Variants in DLGAP1 observed in about 807,000 individuals in gnomAD.
DLGAP1 encodes disks large-associated protein 1.
In DLGAP1, 11 loss-of-function variants were observed where a neutral mutation model predicts 90.8. That is an observed-to-expected ratio of 0.12 (90% confidence interval 0.08 to 0.20). The LOEUF (loss-of-function observed/expected upper bound fraction) is 0.20. DLGAP1 is among the 10% of genes least tolerant of loss of function. The pLI is 1.00. For synonymous variants in DLGAP1, 558 were observed against 540.7 expected, an observed-to-expected ratio of 1.03 and a Z score of -0.44; for missense variants, 1,050 against 1,333.8, an observed-to-expected ratio of 0.79 and a Z score of 3.31.
chr18:3,533,383 G>T (rs990317142), intron 10 of DLGAP1, among the ~76,000 whole-genome samples: 58 of 152,292 alleles, frequency 3.8e-4, no homozygotes, highest in African/African-American at 1.4e-3. Context: ...CAGCTAAAGG[G>T]TTTGCCCCTG....
rs568270775 is a variant in DLGAP1, at chr18:3,613,619, A to C, written c.1592-31371T>G. Among the ~76,000 whole-genome samples the C allele has an allele frequency of 3.4e-4, 52 of 152,298 alleles. 1 individual carries two copies. In the South Asian group the frequency reaches 7.0e-3, roughly 21 times the overall value. ...TCTAAGTGTTGGGATTACAGGCATG[A>C]GCCTGGCTAGGAAGCAATGTTGGCC... is the stretch of plus-strand genomic sequence containing the variant. On this transcript the variant is annotated intron_variant, in intron 7 of 12. Transcript: ENST00000315677.
intron 7 of DLGAP1, among the ~76,000 whole-genome samples, chr18:3,679,422 C>G (rs532648187): frequency 2.0e-5 from 3 of 151,844 alleles, no homozygotes; most frequent in Non-Finnish European, 4.4e-5. Context: ...AAACACAGCT[C>G]TAGCTTGAAT....
chr18:4,362,453 C>A (rs534133515), intron 1 of DLGAP1, among the ~76,000 whole-genome samples: 8 of 152,226 alleles, frequency 5.3e-5, no homozygotes, highest in African/African-American at 1.7e-4. Context: ...GGATATTACA[C>A]TAAGTGAAAT....
chr18:3,635,194 G>T (rs533999743), intron 7 of DLGAP1, among the ~76,000 whole-genome samples: 1 of 151,322 alleles, frequency 6.6e-6, no homozygotes, highest in South Asian at 2.1e-4. Flanking sequence ...GCAGTGGCGG[G>T]ATCTCGGCTC....
chr18:3,539,553 T>C (rs1247200156), intron 9 of DLGAP1, among the ~76,000 whole-genome samples: 2 of 152,240 alleles, frequency 1.3e-5, no homozygotes, highest in Non-Finnish European at 2.9e-5. Context: ...TGTTGCTTTA[T>C]GTTCCTTCTA....
chr18:3,600,318 C>T (rs552332477), intron 7 of DLGAP1, among the ~76,000 whole-genome samples: 4 of 152,124 alleles, frequency 2.6e-5, no homozygotes, highest in East Asian at 3.9e-4. Context: ...ATGGCACGCA[C>T]GATCTCGGCT....
At chr18:3,766,446 A>G (rs1284430810) in intron 5 of DLGAP1, among the ~76,000 whole-genome samples, 1 of 152,178 alleles carries the variant, frequency 6.6e-6, no homozygotes, top group Non-Finnish European at 1.5e-5. Context: ...AGGATAGACA[A>G]GAACTCAACA....
At chr18:4,319,052 A>G (rs1258011328) in intron 1 of DLGAP1, among the ~76,000 whole-genome samples, 1 of 152,234 alleles carries the variant, frequency 6.6e-6, no homozygotes, top group East Asian at 1.9e-4. Flanking sequence ...TATTTTAATT[A>G]GTTTGATTTA....
chr18:3,746,398 T>C (rs2063272106), intron 5 of DLGAP1, among the ~76,000 whole-genome samples: 1 of 151,988 alleles, frequency 6.6e-6, no homozygotes, highest in African/African-American at 2.4e-5. Flanking sequence ...CAAAGGAATA[T>C]GGTAGAGAAA....
intron 5 of DLGAP1, among the ~76,000 whole-genome samples, chr18:3,790,007 G>GT (rs1224408641): frequency 2.6e-5 from 4 of 152,256 alleles, no homozygotes; most frequent in African/African-American, 9.6e-5. Context: ...GCAAATGTTG[G>GT]TAAGTTCTTC....
chr18:3,682,487 G>A (rs1195544395), intron 7 of DLGAP1, among the ~76,000 whole-genome samples: 2 of 152,224 alleles, frequency 1.3e-5, no homozygotes, highest in Non-Finnish European at 2.9e-5. Flanking sequence ...GTTTAGATGT[G>A]TGGTACAGAA....
intron 7 of DLGAP1, among the ~76,000 whole-genome samples, chr18:3,725,429 T>C (rs1347557882): frequency 2.0e-5 from 3 of 152,210 alleles, no homozygotes; most frequent in African/African-American, 7.2e-5. Flanking sequence ...AGTGGAGGTC[T>C]GGGTGTATTT....
At chr18:3,908,476 C>G (rs1452820560) in intron 3 of DLGAP1, among the ~76,000 whole-genome samples, 2 of 152,026 alleles carry the variant, frequency 1.3e-5, no homozygotes, top group Admixed American at 6.5e-5. Flanking sequence ...GATTTCTGGC[C>G]CCCATTCCTA....
intron 2 of DLGAP1, among the ~76,000 whole-genome samples, chr18:4,091,263 A>C (rs2075769734): frequency 6.6e-6 from 1 of 152,224 alleles, no homozygotes; most frequent in African/African-American, 2.4e-5. Flanking sequence ...GAAATAAAAT[A>C]AAATAAAATT....
At chr18:3,574,486 C>T (rs1307297134) in intron 8 of DLGAP1, among the ~76,000 whole-genome samples, 1 of 152,090 alleles carries the variant, frequency 6.6e-6, no homozygotes, top group Non-Finnish European at 1.5e-5. Context: ...TTAATATTTT[C>T]AAATGGTTAG....
At position 4,140,989 on chromosome 18, in the gene DLGAP1, G is replaced by C. The variant is rs368969809; in HGVS notation, c.-159+10191C>G. Among the ~76,000 whole-genome samples the C allele has an allele frequency of 2.4e-4, 37 of 151,934 alleles. 3 individuals are homozygous for C. Among genetic ancestry groups the C allele is most frequent in the Admixed American group, 5.9e-4 (9 of 15,250 alleles). ...CATTATCCTTGACCTTTGGAAGTTT[G>C]ACTACTAAAGGTCTTGAGGTAGTCT... On this transcript the variant is annotated intron_variant, in intron 2 of 12. Transcript: ENST00000315677.
At position 3,739,267 on chromosome 18, in the gene DLGAP1, A is replaced by C. The variant is rs1330042217; in HGVS notation, c.1350+3068T>G. Among the ~76,000 whole-genome samples, 15 of 151,156 alleles carry C rather than the reference A, an allele frequency of 9.9e-5. No individual in the cohort carries two copies. In the South Asian group the frequency reaches 2.5e-3, roughly 26 times the overall value. On this transcript the variant is annotated intron_variant, in intron 6 of 12. Transcript: ENST00000315677. ...GAAATACCATTTGACCCAGCCATCC[A>C]ATTACTGGGTATATACCCAAAGGAC...
At chr18:3,680,033 G>A (rs2060455522) in intron 7 of DLGAP1, 1 of 152,000 alleles carries the variant, frequency 6.6e-6, no homozygotes. Context: ...AGAATAGCAT[G>A]AAATGTGAAC....
intron 1 of DLGAP1, among the ~76,000 whole-genome samples, chr18:4,202,923 TAC>T (rs1358455634): frequency 6.6e-6 from 1 of 152,172 alleles, no homozygotes; most frequent in African/African-American, 2.4e-5. Flanking sequence ...TTCTAGGAAG[TAC>T]AGATAAACAC....
Sources: gnomAD v4.1 joint callset for allele counts (sites outside exome capture counted in the v4.1 genomes callset) on GRCh38, gnomAD v4.1.1 for gene constraint, MANE v1.5 for transcripts, NCBI Gene and HGNC (gene_info 2026-07-23, HGNC 2026-07-21) for gene names.